Variants in MBTD1 observed in about 807,000 individuals in gnomAD.
MBTD1 encodes the protein MBT domain-containing protein 1.
A neutral mutation model predicts 87.8 loss-of-function variants in MBTD1; 24 were observed. The observed-to-expected ratio is 0.27, with a 90% CI of 0.20 to 0.38. The LOEUF is 0.38. Among genes scored for constraint, MBTD1 ranks in the 10% least tolerant of loss-of-function variants. The probability of loss-of-function intolerance (pLI) is 1.00; values close to 1 mark genes in which losing one functional copy is unlikely to be tolerated. For missense variants in MBTD1, 436 were observed against 760.2 expected (o/e 0.57, Z 5.02); for synonymous variants, 237 against 248.6 (o/e 0.95, Z 0.44).
intron 2 of MBTD1, among the ~76,000 whole-genome samples, chr17:51,230,133 A>T (rs1389864487): frequency 6.6e-6 from 1 of 152,216 alleles, no homozygotes; most frequent in Non-Finnish European, 1.5e-5. Flanking sequence ...TATAAATCAA[A>T]GGTATTTTCA....
chr17:51,258,311 C>T (rs1225965458), intron 2 of MBTD1, among the ~76,000 whole-genome samples: 2 of 152,110 alleles, frequency 1.3e-5, no homozygotes, highest in East Asian at 1.9e-4. Context: ...AATAAAACTA[C>T]TTTTAGAGGC....
At chr17:51,252,772 TG>T (rs1366013524) in intron 2 of MBTD1, among the ~76,000 whole-genome samples, 1 of 151,628 alleles carries the variant, frequency 6.6e-6, no homozygotes, top group Non-Finnish European at 1.5e-5. Context: ...CCCAAAAAAC[TG>T]CAAATCATAT....
chr17:51,221,678 T>C (rs573501567), intron 3 of MBTD1, among the ~76,000 whole-genome samples: 10 of 152,318 alleles, frequency 6.6e-5, no homozygotes, highest in African/African-American at 2.4e-4. Context: ...ACACAGACCG[T>C]TTTTTTCTTA....
chr17:51,223,601 C>A (rs368827465), intron 3 of MBTD1, among the ~76,000 whole-genome samples: 1 of 151,586 alleles, frequency 6.6e-6, no homozygotes, highest in Non-Finnish European at 1.5e-5. Flanking sequence ...TTTGAGAGGC[C>A]GAGGCAGGCA....
At chr17:51,260,800 C>T (rs1458676647), upstream of MBTD1, 16 of 1,582,316 alleles carry the variant, frequency 1.0e-5, no homozygotes, top group Non-Finnish European at 1.4e-5. Flanking sequence ...AGAGACGGCT[C>T]CGGCAGCGGA....
At chr17:51,257,431 T>C (rs1415591904) in intron 2 of MBTD1, among the ~76,000 whole-genome samples, 1 of 152,242 alleles carries the variant, frequency 6.6e-6, no homozygotes, top group Non-Finnish European at 1.5e-5. Context: ...AATATGTTGT[T>C]TTCACTTTTA....
intron 2 of MBTD1, among the ~76,000 whole-genome samples, chr17:51,234,860 A>T (rs2053746402): frequency 6.6e-6 from 1 of 151,680 alleles, no homozygotes; most frequent in Admixed American, 6.6e-5. Flanking sequence ...CGCCTGGCTA[A>T]TTTTTTTTGT....
At chr17:51,237,859 C>T (rs2053940852) in intron 2 of MBTD1, among the ~76,000 whole-genome samples, 1 of 152,058 alleles carries the variant, frequency 6.6e-6, no homozygotes, top group East Asian at 1.9e-4. Flanking sequence ...CATCATAGCC[C>T]CAAACTGGAA....
chr17:51,260,696 C>A (rs1315086286), upstream of MBTD1: 3 of 1,605,698 alleles, frequency 1.9e-6, no homozygotes, highest in Non-Finnish European at 2.5e-6. Flanking sequence ...GCCAGGCGGG[C>A]CTCCCCAAAA....
intron 6 of MBTD1, among the ~76,000 whole-genome samples, chr17:51,215,760 A>G (rs913148262): frequency 6.6e-6 from 1 of 152,158 alleles, no homozygotes; most frequent in African/African-American, 2.4e-5. Context: ...GTCACTGACT[A>G]AGGGCTTCAT....
chr17:51,206,384 A>G (rs2051836844), intron 7 of MBTD1, among the ~76,000 whole-genome samples: 1 of 152,154 alleles, frequency 6.6e-6, no homozygotes, highest in Non-Finnish European at 1.5e-5. Context: ...CTGGGATTAC[A>G]GGCATGAGTC....
intron 16 of MBTD1, chr17:51,183,681 ATTAC>A (rs1303187415): frequency 6.6e-5 from 10 of 152,256 alleles, no homozygotes; most frequent in Non-Finnish European, 1.3e-4. Context: ...TCATTAAAAA[ATTAC>A]TTAATATAAA....
chr17:51,215,708 C>G (rs2052528403), intron 6 of MBTD1, among the ~76,000 whole-genome samples: 1 of 152,124 alleles, frequency 6.6e-6, no homozygotes, highest in Non-Finnish European at 1.5e-5. Flanking sequence ...CAAAATAAAT[C>G]ACCTACTTTA....
intron 16 of MBTD1, chr17:51,185,824 C>T (rs180884832): frequency 2.0e-5 from 3 of 152,066 alleles, no homozygotes; most frequent in African/African-American, 4.8e-5. Flanking sequence ...TATTTTATAA[C>T]AAAGTAAAAA....
chr17:51,257,470 CTA>C (rs1453822687), intron 2 of MBTD1, among the ~76,000 whole-genome samples: 3 of 152,140 alleles, frequency 2.0e-5, no homozygotes, highest in African/African-American at 7.2e-5. Flanking sequence ...CCTTTGATCA[CTA>C]TGTTACATTT....
At position 51,179,483 on chromosome 17, in the gene MBTD1, TTTATATATATA is replaced by T. The variant is rs1414968531; in HGVS notation, c.*1082_*1092del. ...AATCCTGAATACAATTAAAGACAAT[TTTATATATATA>T]TATATATATATATATATATATATAT... On this transcript the variant is annotated 3_prime_UTR_variant, in exon 17 of 17. Transcript: ENST00000586178. 272 of 37,030 alleles carry T rather than the reference TTTATATATATA, an allele frequency of 7.3e-3. 10 individuals carry two copies. The highest frequency in any genetic ancestry group is 0.031 in the African/African-American group (192 of 6,108). The allele number at this position is 37,030 out of a possible 1,614,324, so 2.3% of individuals were successfully genotyped here. A position where few individuals can be genotyped will look rare whatever the true frequency, so the allele number is the denominator to read the frequency against.
intron 2 of MBTD1, among the ~76,000 whole-genome samples, chr17:51,243,022 G>A (rs1362485139): frequency 2.0e-5 from 3 of 152,108 alleles, no homozygotes; most frequent in Admixed American, 6.6e-5. Context: ...TTACAAATAC[G>A]CTGCAGCGAA....
intron 6 of MBTD1, chr17:51,209,518 A>T (rs915287935): frequency 2.1e-6 from 1 of 469,822 alleles, no homozygotes; most frequent in Non-Finnish European, 4.4e-6. Context: ...GACAACCTCC[A>T]CATGACTGTA....
intron 6 of MBTD1, among the ~76,000 whole-genome samples, chr17:51,214,348 T>C (rs1298180416): frequency 6.6e-6 from 1 of 152,194 alleles, no homozygotes; most frequent in Non-Finnish European, 1.5e-5. Flanking sequence ...CTGTTGTAAT[T>C]GAGTGACTGA....
Sources: gnomAD v4.1 joint callset for allele counts (sites outside exome capture counted in the v4.1 genomes callset) on GRCh38, gnomAD v4.1.1 for gene constraint, MANE v1.5 for transcripts, NCBI Gene and HGNC (gene_info 2026-07-23, HGNC 2026-07-21) for gene names.